LRSAM1: variants seen among roughly 807,000 people sequenced by gnomAD.
The protein encoded by LRSAM1 is E3 ubiquitin-protein ligase LRSAM1.
A neutral mutation model predicts 118.1 loss-of-function variants in LRSAM1; 96 were observed. The ratio of observed to expected loss-of-function variants is 0.81; its 90% CI spans 0.69 to 0.96. The LOEUF (loss-of-function observed/expected upper bound fraction) is 0.96, where lower values mean the gene tolerates loss of function less well. Ranked by LOEUF, LRSAM1 falls within the 40% of genes least tolerant of loss-of-function variation. The probability of loss-of-function intolerance (pLI) is 0.00; values close to 1 mark genes in which losing one functional copy is unlikely to be tolerated. For synonymous variants in LRSAM1, 322 were observed against 364.2 expected, an observed-to-expected ratio of 0.88 and a Z score of 1.32; for missense variants, 804 against 915.5, an observed-to-expected ratio of 0.88 and a Z score of 1.57.
At chr9:127,455,970 A>G (rs566864215) in intron 5 of LRSAM1, among the ~76,000 whole-genome samples, 3 of 152,262 alleles carry the variant, frequency 2.0e-5, no homozygotes, top group African/African-American at 7.2e-5. Context: ...ATAGAAATAT[A>G]CTGAGTGTAC....
rs187596979 is a variant in LRSAM1 at position 127,482,633 on chromosome 9, A to G, written c.1089-317A>G. ...CCAACCTAGTAGGTGAAAAGATTTT[A>G]CTTTCTTTAGTTACCAGTAATGTTA... On this transcript the variant is annotated intron_variant, in intron 15 of 25. Coordinates refer to ENST00000300417, the MANE Select transcript of LRSAM1 (RefSeq NM_001005373.4). Among the ~76,000 whole-genome samples, 398 of 152,236 alleles carry G rather than the reference A, an allele frequency of 2.6e-3. 7 individuals carry two copies. The highest frequency in any genetic ancestry group is 0.025 in the Admixed American group (376 of 15,276).
intron 10 of LRSAM1, among the ~76,000 whole-genome samples, chr9:127,469,833 C>T (rs562052410): frequency 2.0e-4 from 30 of 152,154 alleles, no homozygotes; most frequent in South Asian, 1.0e-3. Context: ...GGCGTGGTGG[C>T]GGGCGCCTGT....
chr9:127,453,091 T>C (rs1834383646), intron 2 of LRSAM1, among the ~76,000 whole-genome samples: 5 of 151,884 alleles, frequency 3.3e-5, no homozygotes, highest in Non-Finnish European at 1.5e-5. Context: ...TTATTTATTA[T>C]TATTTTCTGA....
intron 20 of LRSAM1, 134 bp downstream of exon 20, chr9:127,491,429 C>A (rs1835929356): frequency 4.1e-6 from 3 of 734,120 alleles, no homozygotes; most frequent in Non-Finnish European, 7.2e-6. Flanking sequence ...GGCAGAGCTC[C>A]TCTGTGGCTG....
rs189843482 is a variant in LRSAM1 at position 127,489,585 on chromosome 9, G to T, written c.1422+67G>T. On this transcript the variant is annotated intron_variant, in intron 19 of 25. Transcript: ENST00000300417. ...GACTTGCAGAGTGGCCCTCCAGGGCGGCAGGTCGCAGCAGTTGAGGTTTGA... is the reference window on the plus strand; with the variant it reads ...GACTTGCAGAGTGGCCCTCCAGGGCTGCAGGTCGCAGCAGTTGAGGTTTGA... 7 of 1,528,064 alleles carry T rather than the reference G, an allele frequency of 4.6e-6. No homozygotes were observed. In the East Asian group the frequency reaches 9.5e-5, roughly 21 times the overall value. The allele number at this position is 1,528,064 out of a possible 1,614,324, so 94.7% of individuals were successfully genotyped here.
chr9:127,497,055 GC>G (rs2132115498), intron 23 of LRSAM1, among the ~76,000 whole-genome samples, 197 bp from the exon 24 acceptor site: 1 of 152,352 alleles, frequency 6.6e-6, no homozygotes, highest in South Asian at 2.1e-4. Flanking sequence ...TTGGGCTGAG[GC>G]CTGGGGAGGT....
At chr9:127,495,509 G>A (rs1368803020) in intron 22 of LRSAM1, 91 bp downstream of exon 22, 2 of 1,085,126 alleles carry the variant, frequency 1.8e-6, no homozygotes, top group African/African-American at 3.1e-5. Context: ...TCTGCCTCTT[G>A]TTACTTTTCT....
Position 127,457,340 on chromosome 9 carries a change from C to A in LRSAM1, c.199C>A (p.Leu67Ile). The change falls in exon 6 of 26, where the codon CTC (leucine) becomes ATC (isoleucine). Residue 67 changes from leucine to isoleucine, a missense_variant. Coordinates refer to ENST00000300417, the MANE Select transcript of LRSAM1 (RefSeq NM_001005373.4). ...KKVLIVHTNHLTSLLPKSCSL... is the reference protein window; with the variant it reads ...KKVLIVHTNHITSLLPKSCSL... ...GGTGCTGATCGTCCACACGAATCAC[C>A]TCACTTCCCTGCTTCCCAAATCCTG... is the stretch of plus-strand genomic sequence containing the variant. 1.9e-6 allele frequency: 3 copies of A among 1,614,228 alleles called. No homozygotes were observed. In the South Asian group the frequency reaches 3.3e-5, roughly 18 times the overall value.
Position 127,481,241 on chromosome 9 carries a change from C to A in LRSAM1, c.1088+14C>A. On this transcript the variant is annotated intron_variant, in intron 15 of 25. Transcript: ENST00000300417. The stretch of plus-strand genomic sequence containing the variant: ...GGAAAATGAAAGGTAAGTGTTCTTC[C>A]AGGGGAGGGCAGCATTTTTTTTTTT... The A allele has an allele frequency of 6.2e-7, 1 of 1,607,600 alleles. No homozygotes were observed.
intron 9 of LRSAM1, among the ~76,000 whole-genome samples, chr9:127,466,762 C>T (rs1432641780): frequency 6.6e-6 from 1 of 151,632 alleles, no homozygotes; most frequent in East Asian, 1.9e-4. Context: ...CCTGTAATTC[C>T]AGCACTTTGG....
At chr9:127,487,461 C>G (rs1027071417) in intron 17 of LRSAM1, 14 of 516,560 alleles carry the variant, frequency 2.7e-5, no homozygotes, top group Non-Finnish European at 4.7e-5. Context: ...AAGCATCTCT[C>G]TCCCAGCTCC....
At chr9:127,462,182 A>G (rs1588100557) in intron 8 of LRSAM1, 70 bp from the exon 9 acceptor site, 1 of 1,607,316 alleles carries the variant, frequency 6.2e-7, no homozygotes, top group African/African-American at 1.3e-5. Flanking sequence ...AGTGGCTCCC[A>G]GCGGGCATCA....
In LRSAM1 at chr9:127,501,119, G is replaced by C; in HGVS notation, c.2022G>C (p.Glu674Asp). 1 of 1,613,692 alleles carries C rather than the reference G, an allele frequency of 6.2e-7. No homozygotes were observed. Among genetic ancestry groups the C allele is most frequent in the Non-Finnish European group, 8.5e-7 (1 of 1,180,028 alleles). The change falls in exon 25 of 26, where the codon GAG becomes GAC. Residue 674 changes from glutamate to aspartate, a missense_variant. Coordinates refer to ENST00000300417, the MANE Select transcript of LRSAM1 (RefSeq NM_001005373.4). ...PPAELEVQAS[E>D]CVVCLEREAQ... is the part of the protein sequence containing the mutation. ...CAGAGCTGGAGGTGCAGGCCTCAGA[G>C]TGTGTCGTGTGCCTGGAACGGGAGG... is the stretch of plus-strand genomic sequence containing the variant.
chr9:127,492,994 T>C (rs1254549320), intron 21 of LRSAM1, 97 bp downstream of exon 21: 2 of 1,011,664 alleles, frequency 2.0e-6, no homozygotes, highest in Non-Finnish European at 3.1e-6. Flanking sequence ...AAGTAAGAGT[T>C]ATTCATCAAA....
In LRSAM1 at chr9:127,459,099, T is replaced by C. The variant is rs1240230336; in HGVS notation, c.321+28T>C. On this transcript the variant is annotated intron_variant, in intron 7 of 25. Transcript: ENST00000300417. ...AAGGCTGCAGAAACAGAAACCCACC[T>C]CGGATGGCCTTAGTGAGACCAGGCA... 3.1e-6 allele frequency: 5 copies of C among 1,609,858 alleles called. No homozygotes were observed. The African/African-American group carries it at 6.7e-5, about 22-fold the overall frequency.
chr9:127,461,734 G>A (rs1235374520), intron 8 of LRSAM1, among the ~76,000 whole-genome samples: 1 of 152,226 alleles, frequency 6.6e-6, no homozygotes, highest in Non-Finnish European at 1.5e-5. Context: ...AGACCACCCC[G>A]TGGGATGGTG....
chr9:127,483,108 G>A, intron 16 of LRSAM1, 88 bp downstream of exon 16: 1 of 1,249,202 alleles, frequency 8.0e-7, no homozygotes, highest in Non-Finnish European at 1.2e-6. Flanking sequence ...GGCCATGCAT[G>A]GAGGGCCCTG....
intron 12 of LRSAM1, 35 bp from the exon 13 acceptor site, chr9:127,479,348 C>G (rs370434770): frequency 6.2e-7 from 1 of 1,613,826 alleles, no homozygotes; most frequent in African/African-American, 1.3e-5. Flanking sequence ...CCCCCAGGGC[C>G]TGTGCTGACA....
At chr9:127,468,648 G>A (rs1835047286) in intron 10 of LRSAM1, among the ~76,000 whole-genome samples, 1 of 152,082 alleles carries the variant, frequency 6.6e-6, no homozygotes, top group African/African-American at 2.4e-5. Context: ...TAAACAGGAA[G>A]CAGGCAGTAC....
Sources: allele counts gnomAD v4.1 joint callset (sites outside exome capture counted in the v4.1 genomes callset), GRCh38; gene constraint gnomAD v4.1.1; transcripts MANE v1.5; gene names NCBI Gene and HGNC (gene_info 2026-07-23, HGNC 2026-07-21).